SLC39A11: variants seen among roughly 807,000 people sequenced by gnomAD.
SLC39A11 encodes solute carrier family 39 member 11, also known as zinc transporter ZIP11.
SLC39A11 carries 33 observed loss-of-function variants against 36.1 expected under a neutral mutation model. The ratio of observed to expected loss-of-function variants is 0.91; its 90% CI spans 0.69 to 1.22. The LOEUF (loss-of-function observed/expected upper bound fraction) is 1.22, where lower values mean the gene tolerates loss of function less well. Ranked by LOEUF, SLC39A11 falls within the 50% of genes most tolerant of loss-of-function variation. SLC39A11 has a pLI of 0.00. For synonymous variants in SLC39A11, 166 were observed against 170.3 expected (o/e 0.97, Z 0.20); for missense variants, 432 against 430.3 (o/e 1.00, Z -0.03).
intron 5 of SLC39A11, among the ~76,000 whole-genome samples, chr17:72,854,490 CTGAAACAT>C (rs1466086755): frequency 2.6e-5 from 4 of 152,110 alleles, no homozygotes; most frequent in African/African-American, 9.7e-5. Context: ...GCAGACAAAC[CTGAAACAT>C]TTCATGATAG....
chr17:72,831,722 A>G (rs1277050331), intron 6 of SLC39A11, among the ~76,000 whole-genome samples: 1 of 152,240 alleles, frequency 6.6e-6, no homozygotes, highest in Non-Finnish European at 1.5e-5. Flanking sequence ...CCCATCAACA[A>G]AACAGATCAG....
At chr17:72,898,203 G>A (rs1696882425) in intron 5 of SLC39A11, among the ~76,000 whole-genome samples, 1 of 152,126 alleles carries the variant, frequency 6.6e-6, no homozygotes. Flanking sequence ...AGATACCTGC[G>A]CACATAGACA....
At chr17:72,883,151 C>T (rs2081289127) in intron 5 of SLC39A11, among the ~76,000 whole-genome samples, 2 of 152,144 alleles carry the variant, frequency 1.3e-5, no homozygotes, top group South Asian at 4.1e-4. Context: ...GTCCTGCATC[C>T]TTAAGGCATA....
chr17:72,813,500 A>T (rs2077492497), intron 6 of SLC39A11, among the ~76,000 whole-genome samples: 1 of 152,220 alleles, frequency 6.6e-6, no homozygotes, highest in Non-Finnish European at 1.5e-5. Context: ...TATGAAGCTG[A>T]GCCTGAACTA....
intron 5 of SLC39A11, among the ~76,000 whole-genome samples, chr17:72,943,106 AAGAG>A (rs2085216745): frequency 6.6e-6 from 1 of 152,192 alleles, no homozygotes; most frequent in Non-Finnish European, 1.5e-5. Flanking sequence ...ATACCTGGAG[AAGAG>A]AGAGTGTCTT....
chr17:72,726,783 C>T (rs994172971), intron 7 of SLC39A11, among the ~76,000 whole-genome samples: 2 of 152,178 alleles, frequency 1.3e-5, no homozygotes, highest in African/African-American at 4.8e-5. Flanking sequence ...ATCTGACTTA[C>T]GATCTTTCCT....
chr17:72,685,022 T>A (rs556117145), intron 7 of SLC39A11, among the ~76,000 whole-genome samples: 2 of 152,268 alleles, frequency 1.3e-5, no homozygotes, highest in Admixed American at 1.3e-4. Context: ...AAGATACAAA[T>A]GGTGCTGAGC....
intron 1 of SLC39A11, among the ~76,000 whole-genome samples, chr17:73,091,326 C>T (rs1337598072): frequency 6.6e-6 from 1 of 151,978 alleles, no homozygotes; most frequent in Non-Finnish European, 1.5e-5. Flanking sequence ...GCCTGTAGTC[C>T]CAGCTACTCG....
At chr17:72,911,412 AT>A (rs1372084292) in intron 5 of SLC39A11, among the ~76,000 whole-genome samples, 1 of 138,716 alleles carries the variant, frequency 7.2e-6, no homozygotes, top group Non-Finnish European at 1.7e-5. Context: ...AACTTAAAGT[AT>A]AATTTAAAAA....
At chr17:72,653,446 T>C (rs1457485439) in intron 7 of SLC39A11, among the ~76,000 whole-genome samples, 10 of 150,152 alleles carry the variant, frequency 6.7e-5, no homozygotes, top group East Asian at 5.9e-4. Context: ...CTTTTCTTTT[T>C]TTTTTTTTGA....
chr17:72,983,966 C>T (rs1194439008), intron 4 of SLC39A11, among the ~76,000 whole-genome samples: 1 of 152,182 alleles, frequency 6.6e-6, no homozygotes, highest in Non-Finnish European at 1.5e-5. Flanking sequence ...CTCTAGACCC[C>T]TTTCCTGAGT....
chr17:72,919,469 G>T (rs1157533304), intron 5 of SLC39A11, among the ~76,000 whole-genome samples: 1 of 151,932 alleles, frequency 6.6e-6, no homozygotes, highest in African/African-American at 2.4e-5. Context: ...GGGGAGCTGA[G>T]AAATTGATCT....
chr17:72,971,997 C>T (rs2087493448), intron 4 of SLC39A11, among the ~76,000 whole-genome samples: 1 of 152,084 alleles, frequency 6.6e-6, no homozygotes, highest in African/African-American at 2.4e-5. Context: ...TGTAATAAGC[C>T]CTCAATTAAT....
At chr17:72,815,380 G>A (rs1027541493) in intron 6 of SLC39A11, among the ~76,000 whole-genome samples, 3 of 152,232 alleles carry the variant, frequency 2.0e-5, no homozygotes, top group African/African-American at 7.2e-5. Context: ...AGCACTTTGG[G>A]AGGCCAAGGC....
chr17:72,828,618 G>C (rs545089022), intron 6 of SLC39A11, among the ~76,000 whole-genome samples: 1 of 152,322 alleles, frequency 6.6e-6, no homozygotes, highest in South Asian at 2.1e-4. Flanking sequence ...CTGGTGAGCT[G>C]AGTTCCTGTT....
At chr17:72,748,459 T>C (rs556858233) in intron 6 of SLC39A11, among the ~76,000 whole-genome samples, 13 of 152,366 alleles carry the variant, frequency 8.5e-5, no homozygotes, top group African/African-American at 2.9e-4. Flanking sequence ...GTGTGCTTTT[T>C]TGGCATATCC....
At position 72,894,317 on chromosome 17, in the gene SLC39A11, G is replaced by GT. The variant is rs964987369; in HGVS notation, c.431-44514dup. On this transcript the variant is annotated intron_variant, in intron 5 of 9. Coordinates refer to ENST00000255559, the MANE Select transcript of SLC39A11 (RefSeq NM_139177.4). ...GCGGAGGTTGCAGCACACCAGTATGGTATCACTGCACTCCAGCCTGGCAAC... is the reference window on the plus strand; with the variant it reads ...GCGGAGGTTGCAGCACACCAGTATGGTTATCACTGCACTCCAGCCTGGCAAC... 1.0e-4 allele frequency among the ~76,000 whole-genome samples: 13 copies of GT among 124,812 alleles called. No homozygotes were observed. In the South Asian group the frequency reaches 1.7e-3, roughly 16 times the overall value. 81.9% of individuals were successfully genotyped at this position (124,812 alleles called of 152,430 possible).
At position 72,873,033 on chromosome 17, in the gene SLC39A11, G is replaced by A. The variant is rs1237137634; in HGVS notation, c.431-23229C>T. 5.7e-5 allele frequency among the ~76,000 whole-genome samples: 8 copies of A among 139,584 alleles called. No individual in the cohort carries two copies. In the East Asian group the frequency reaches 1.7e-3, roughly 29 times the overall value. The allele number at this position is 139,584 out of a possible 152,430, so 91.6% of individuals were successfully genotyped here. On this transcript the variant is annotated intron_variant, in intron 5 of 9. Transcript: ENST00000255559. ...CGCGCCACTGCACTCTAGCCTGGGC[G>A]ACAGGGGCAAGACTCCATCTCAAAA...
intron 5 of SLC39A11, among the ~76,000 whole-genome samples, chr17:72,862,293 C>T (rs1174324465): frequency 1.3e-5 from 2 of 152,108 alleles, no homozygotes. Context: ...CAAAGGCTGA[C>T]CTGAGGTTGC....
Sources: allele counts gnomAD v4.1 joint callset (sites outside exome capture counted in the v4.1 genomes callset), GRCh38; gene constraint gnomAD v4.1.1; transcripts MANE v1.5; gene names NCBI Gene and HGNC (gene_info 2026-07-23, HGNC 2026-07-21).